Variants in SHOC1 observed in about 807,000 individuals in gnomAD.
SHOC1 encodes the protein protein shortage in chiasmata 1 ortholog.
A neutral mutation model predicts 179.2 loss-of-function variants in SHOC1; 136 were observed. That is an observed-to-expected ratio of 0.76 (90% confidence interval 0.66 to 0.87). The LOEUF is 0.87. Among genes scored for constraint, SHOC1 ranks in the 40% least tolerant of loss-of-function variants. The pLI is 0.00. For synonymous variants in SHOC1, 489 were observed against 586.6 expected, an observed-to-expected ratio of 0.83 and a Z score of 2.41; for missense variants, 1,538 against 1,700.8, an observed-to-expected ratio of 0.90 and a Z score of 1.68.
intron 12 of SHOC1, among the ~76,000 whole-genome samples, chr9:111,734,688 T>C (rs1589422728): frequency 6.6e-6 from 1 of 152,202 alleles, no homozygotes; most frequent in Admixed American, 6.5e-5. Context: ...GAGTACACTA[T>C]AGAAATGAGT....
rs1305427487 is a variant in SHOC1, at chr9:111,691,867, G to GTGAT, written c.4106_4109dup (p.His1370GlnfsTer16). 6.2e-7 allele frequency: 1 copy of GTGAT among 1,613,650 alleles called. No individual in the cohort carries two copies. The highest frequency in any genetic ancestry group is 1.3e-5 in the African/African-American group (1 of 74,912). On this transcript the variant is annotated frameshift_variant, in exon 27 of 28. Coordinates refer to ENST00000682961, the MANE Select transcript of SHOC1 (RefSeq NM_001378211.1). LOFTEE classifies it high-confidence loss of function. ...GTGCACCATATTGTAAGTTGAACGGGTGATTCTCTTGTTCCCATATATTTT... is the reference window on the plus strand; with the variant it reads ...GTGCACCATATTGTAAGTTGAACGGGTGATTGATTCTCTTGTTCCCATATATTTT...
intron 1 of SHOC1, 92 bp downstream of exon 1, chr9:111,794,808 C>CT (rs1363629971): frequency 6.6e-6 from 1 of 152,406 alleles, no homozygotes; most frequent in African/African-American, 2.4e-5. Context: ...GATTCCTGAG[C>CT]TGCCATACTT....
intron 21 of SHOC1, among the ~76,000 whole-genome samples, chr9:111,704,516 G>T (rs1189856040): frequency 6.6e-6 from 1 of 152,012 alleles, no homozygotes; most frequent in African/African-American, 2.4e-5. Context: ...CTAAGTGGCT[G>T]GTACTACAGG....
intron 24 of SHOC1, among the ~76,000 whole-genome samples, chr9:111,697,346 G>A (rs944726571): frequency 3.3e-5 from 5 of 151,852 alleles, no homozygotes; most frequent in African/African-American, 9.7e-5. Context: ...CCCACCTCCC[G>A]CCACCCCACG....
At chr9:111,726,193 G>A (rs958085106) in intron 13 of SHOC1, among the ~76,000 whole-genome samples, 1 of 152,090 alleles carries the variant, frequency 6.6e-6, no homozygotes, top group Non-Finnish European at 1.5e-5. Context: ...AAGTTATAAG[G>A]TGGCCAAACT....
In SHOC1 at chr9:111,691,983, G is replaced by A. The variant is rs1231830808; in HGVS notation, c.3994C>T (p.His1332Tyr). ...RFINSQKRRT[H>Y]EAKGFINKDV... ...TTATTTATGAAACCTTTTGCTTCAT[G>A]TGTTCTCCTTTTCTGAGAATTTATA... The change falls in exon 27 of 28, where the codon CAT becomes TAT. Residue 1332 changes from histidine to tyrosine, a missense_variant. Coordinates refer to ENST00000682961, the MANE Select transcript of SHOC1 (RefSeq NM_001378211.1). 1 of 1,613,268 alleles carries A rather than the reference G, an allele frequency of 6.2e-7. No homozygotes were observed. Among genetic ancestry groups the A allele is most frequent in the Admixed American group, 1.7e-5 (1 of 59,904 alleles).
At chr9:111,748,014 G>C (rs565371179) in intron 9 of SHOC1, 78 bp downstream of exon 9, 192 of 909,068 alleles carry the variant, frequency 2.1e-4, no homozygotes, top group Non-Finnish European at 3.4e-4. Flanking sequence ...ACAGTACACT[G>C]TATATGTGAA....
intron 4 of SHOC1, among the ~76,000 whole-genome samples, chr9:111,779,822 T>C (rs1835969924): frequency 6.6e-6 from 1 of 152,128 alleles, no homozygotes; most frequent in African/African-American, 2.4e-5. Context: ...ATATGTACAG[T>C]AAAGTTTGAG....
At chr9:111,789,150 T>TTC (rs1836365082) in intron 2 of SHOC1, among the ~76,000 whole-genome samples, 1 of 6,114 alleles carries the variant, frequency 1.6e-4, no homozygotes, top group South Asian at 4.3e-3. Context: ...TTCTCAAGAC[T>TTC]TTAATGTTTG....
chr9:111,705,572 A>AT (rs1832234033), intron 20 of SHOC1, among the ~76,000 whole-genome samples: 2 of 152,028 alleles, frequency 1.3e-5, no homozygotes, highest in Non-Finnish European at 1.5e-5. Context: ...GAGTTTACTA[A>AT]TACCACTATA....
In SHOC1 at chr9:111,723,875, C is replaced by T; in HGVS notation, c.1871G>A (p.Ser624Asn). The T allele has an allele frequency of 6.3e-7, 1 of 1,581,334 alleles. No individual in the cohort carries two copies. Among genetic ancestry groups the T allele is most frequent in the Non-Finnish European group, 8.7e-7 (1 of 1,152,528 alleles). Reference sequence around the variant, plus strand: ...GGTTTTATTAATATGAACAATAGGACTTTCTTCTTGAAGTGTCAAAGAACA... The same window carrying T: ...GGTTTTATTAATATGAACAATAGGATTTTCTTCTTGAAGTGTCAAAGAACA... ...EACSLTLQEESPIVHINKTLE... is the reference protein window; with the variant it reads ...EACSLTLQEENPIVHINKTLE... Residue 624 changes from serine (S) to asparagine (N), a missense_variant, in exon 14 of 28, where the codon AGT becomes AAT. By Grantham distance (46) the Ser-to-Asn change is conservative. Transcript: ENST00000682961.
intron 1 of SHOC1, among the ~76,000 whole-genome samples, chr9:111,791,904 T>A (rs1836461218): frequency 6.7e-6 from 1 of 149,752 alleles, no homozygotes; most frequent in Admixed American, 6.7e-5. Context: ...AGAATAACCA[T>A]ATTTCTCAAG....
At chr9:111,691,528 T>C (rs1831421229) in intron 27 of SHOC1, 23 bp downstream of exon 27, 8 of 1,535,350 alleles carry the variant, frequency 5.2e-6, no homozygotes, top group Non-Finnish European at 7.0e-6. Flanking sequence ...AGAGTAGTTT[T>C]ATCAACTATT....
Position 111,758,706 on chromosome 9 carries a change from A to G in SHOC1, c.585T>C (p.Ala195=). The G allele has an allele frequency of 6.3e-7, 1 of 1,575,774 alleles. No homozygotes were observed. The highest frequency in any genetic ancestry group is 1.2e-5 in the South Asian group (1 of 84,448). Residue 195 remains alanine (A), a synonymous_variant, in exon 6 of 28, where the codon GCT becomes GCC. Transcript: ENST00000682961. ...AATTAAGTAAGTACCTGGAAAAATT[A>G]GCTTCTGTGAAGATCTGTCCTTTGA... ...LDFKGQIFTE[A]NFSRECFSLQ...
intron 8 of SHOC1, among the ~76,000 whole-genome samples, chr9:111,756,123 G>GACAACA (rs71496710): frequency 0.055 from 8,248 of 151,188 alleles, 549 homozygotes; most frequent in African/African-American, 0.16. Flanking sequence ...ATTTTGTCTC[G>GACAACA]ACAACAACAA....
chr9:111,692,311 G>A lies in SHOC1; in HGVS notation c.3666C>T (p.Asp1222=), dbSNP rs201575234. The change falls in exon 27 of 28, where the codon GAC becomes GAT. Residue 1222 remains aspartate (D), a synonymous_variant. Coordinates refer to ENST00000682961, the MANE Select transcript of SHOC1 (RefSeq NM_001378211.1). ...AGTTGTCATTCAAAATGGTGGTTTT[G>A]TCTTCCTGCACTGTCTCTCCTAATC... ...YLGLGETVQE[D]KTTILNDNSS... is the part of the protein sequence containing the mutation. 1 of 1,612,816 alleles carries A rather than the reference G, an allele frequency of 6.2e-7. No individual in the cohort carries two copies. The highest frequency in any genetic ancestry group is 8.5e-7 in the Non-Finnish European group (1 of 1,179,076).
At chr9:111,726,055 C>T (rs1439954535) in intron 13 of SHOC1, among the ~76,000 whole-genome samples, 1 of 151,906 alleles carries the variant, frequency 6.6e-6, no homozygotes, top group Non-Finnish European at 1.5e-5. Context: ...TTGAAAAATT[C>T]TTATTTTTGT....
At chr9:111,736,442 C>G (rs1410237441) in intron 12 of SHOC1, among the ~76,000 whole-genome samples, 1 of 151,968 alleles carries the variant, frequency 6.6e-6, no homozygotes, top group Non-Finnish European at 1.5e-5. Flanking sequence ...TTCAACAAAG[C>G]CAACAAAAAT....
intron 5 of SHOC1, among the ~76,000 whole-genome samples, chr9:111,773,937 T>C (rs950944266): frequency 1.3e-5 from 2 of 152,144 alleles, no homozygotes; most frequent in African/African-American, 4.8e-5. Flanking sequence ...CTGGCAGCAA[T>C]CAATATAATT....
Sources: gnomAD v4.1 joint callset for allele counts (sites outside exome capture counted in the v4.1 genomes callset) on GRCh38, gnomAD v4.1.1 for gene constraint, MANE v1.5 for transcripts, NCBI Gene and HGNC (gene_info 2026-07-23, HGNC 2026-07-21) for gene names.